Variants in TBC1D22A observed in about 807,000 individuals in gnomAD.
TBC1D22A encodes the protein putative GTPase activator.
Under a neutral mutation model 60.2 loss-of-function variants are expected in TBC1D22A, and 38 were observed. That is an observed-to-expected ratio of 0.63 (90% CI 0.49 to 0.83). The LOEUF (loss-of-function observed/expected upper bound fraction) is 0.83, where lower values mean the gene tolerates loss of function less well. TBC1D22A is among the 40% of genes least tolerant of loss of function. The pLI is 0.00. For synonymous variants in TBC1D22A, 302 were observed against 281.7 expected (o/e 1.07, Z -0.72); for missense variants, 628 against 701.0 (o/e 0.90, Z 1.18).
chr22:47,056,484 C>G (rs1235989228), intron 11 of TBC1D22A, among the ~76,000 whole-genome samples: 1 of 152,098 alleles, frequency 6.6e-6, no homozygotes, highest in African/African-American at 2.4e-5. Flanking sequence ...GATGCAGAAG[C>G]CAGAGAGAAG....
At chr22:46,974,677 C>T (rs773677535) in intron 9 of TBC1D22A, among the ~76,000 whole-genome samples, 2 of 152,232 alleles carry the variant, frequency 1.3e-5, no homozygotes, top group Non-Finnish European at 2.9e-5. Context: ...AGACTGTAGC[C>T]ACCACCACCA....
In TBC1D22A at chr22:47,009,948, G is replaced by T. The variant is rs912523879; in HGVS notation, c.1201+12239G>T. Among the ~76,000 whole-genome samples the T allele has an allele frequency of 6.6e-6, 1 of 152,206 alleles. No individual in the cohort carries two copies. The highest frequency in any genetic ancestry group is 2.4e-5 in the African/African-American group (1 of 41,440). On this transcript the variant is annotated intron_variant, in intron 10 of 12. Transcript: ENST00000337137. The surrounding 1 kb of genome is among the most constrained non-coding windows in gnomAD (Gnocchi z 5.8). ...GACACTGGCTGAGTCTGAGTCAGGG[G>T]CACCGAGGTGACAGTGGCCATTGTT...
At chr22:46,942,508 GA>G (rs1397834267) in intron 8 of TBC1D22A, among the ~76,000 whole-genome samples, 17 of 152,286 alleles carry the variant, frequency 1.1e-4, no homozygotes, top group African/African-American at 4.1e-4. Flanking sequence ...TCAGTAATAA[GA>G]ATTGTATAGT....
intron 10 of TBC1D22A, among the ~76,000 whole-genome samples, chr22:47,010,488 C>G (rs1260581828): frequency 6.6e-6 from 1 of 152,198 alleles, no homozygotes; most frequent in Non-Finnish European, 1.5e-5. Flanking sequence ...TGTGGACTTT[C>G]TGGGAGGCGT....
rs1178449727 is a variant in TBC1D22A at position 47,171,920 on chromosome 22, G to A, written c.1426-1578G>A. On this transcript the variant is annotated intron_variant, in intron 12 of 12. Transcript: ENST00000337137. Reference sequence around the variant, plus strand: ...GACTCAGTGCCCCCATAGCCCATCTGAGACACGGCCCAGCTGCAGGCCAGA... The same window carrying A: ...GACTCAGTGCCCCCATAGCCCATCTAAGACACGGCCCAGCTGCAGGCCAGA... Among the ~76,000 whole-genome samples the A allele has an allele frequency of 5.7e-5, 7 of 122,174 alleles. No homozygotes were observed. The South Asian group carries it at 1.5e-3, about 27-fold the overall frequency. The allele number at this position is 122,174 out of a possible 152,430, so 80.2% of individuals were successfully genotyped here.
At chr22:46,839,133 A>G (rs1402029431) in intron 4 of TBC1D22A, among the ~76,000 whole-genome samples, 1 of 152,222 alleles carries the variant, frequency 6.6e-6, no homozygotes, top group Non-Finnish European at 1.5e-5. Context: ...GAACTAATAT[A>G]CAAATTCAGT....
At chr22:46,784,614 G>A (rs968810396) in intron 1 of TBC1D22A, among the ~76,000 whole-genome samples, 9 of 152,328 alleles carry the variant, frequency 5.9e-5, no homozygotes, top group Admixed American at 2.0e-4. Context: ...CGGCTGTCCC[G>A]GGAGGAAAAG....
intron 5 of TBC1D22A, among the ~76,000 whole-genome samples, chr22:46,887,696 C>T (rs1032064356): frequency 3.3e-5 from 5 of 152,090 alleles, no homozygotes; most frequent in Admixed American, 6.5e-5. Context: ...GGGCGGTGAC[C>T]GAGAGGCCTG....
At chr22:46,971,973 G>A (rs1371149013) in intron 8 of TBC1D22A, among the ~76,000 whole-genome samples, 1 of 152,216 alleles carries the variant, frequency 6.6e-6, no homozygotes, top group African/African-American at 2.4e-5. Context: ...GAGAGTGCTG[G>A]TGTCATGGGC....
chr22:47,119,335 C>G (rs1333988531), intron 12 of TBC1D22A, among the ~76,000 whole-genome samples: 1 of 152,162 alleles, frequency 6.6e-6, no homozygotes, highest in African/African-American at 2.4e-5. Flanking sequence ...GGCACTCCGT[C>G]TCACAGAGCT....
At chr22:47,013,197 AT>A (rs2148307723) in intron 10 of TBC1D22A, among the ~76,000 whole-genome samples, 2 of 152,074 alleles carry the variant, frequency 1.3e-5, no homozygotes, top group African/African-American at 4.8e-5. Flanking sequence ...TGCGGTTAGC[AT>A]TTTTCTTTTT....
At chr22:46,794,523 G>A (rs923432610) in intron 3 of TBC1D22A, among the ~76,000 whole-genome samples, 2 of 152,214 alleles carry the variant, frequency 1.3e-5, no homozygotes, top group Non-Finnish European at 2.9e-5. Flanking sequence ...ATGGTTGTGC[G>A]ATGAACCCAC....
At chr22:46,893,383 G>A (rs6009024) in intron 6 of TBC1D22A, among the ~76,000 whole-genome samples, 2,097 of 152,270 alleles carry the variant, frequency 0.014, 62 homozygotes, top group African/African-American at 0.048. Context: ...AGCCCCACCT[G>A]CCCAGCCTTG....
intron 4 of TBC1D22A, among the ~76,000 whole-genome samples, chr22:46,814,810 A>G: frequency 7.4e-6 from 1 of 134,896 alleles, no homozygotes; most frequent in East Asian, 2.1e-4. Flanking sequence ...CACACTGGCT[A>G]TTTTTTTTTT....
chr22:46,953,821 C>G (rs2073044158), intron 8 of TBC1D22A, among the ~76,000 whole-genome samples: 1 of 152,212 alleles, frequency 6.6e-6, no homozygotes, highest in African/African-American at 2.4e-5. Flanking sequence ...TTACCTCTAT[C>G]AGGTGCTTTG....
At chr22:47,064,614 C>T (rs1287289433) in intron 11 of TBC1D22A, among the ~76,000 whole-genome samples, 1 of 152,226 alleles carries the variant, frequency 6.6e-6, no homozygotes, top group Non-Finnish European at 1.5e-5. Flanking sequence ...CAGCACTGCC[C>T]CCTCGTCCTC....
intron 4 of TBC1D22A, among the ~76,000 whole-genome samples, chr22:46,847,179 G>A (rs1274837571): frequency 1.3e-5 from 2 of 152,244 alleles, no homozygotes; most frequent in Non-Finnish European, 2.9e-5. Flanking sequence ...TAACCTGGAG[G>A]CATTTGGTAT....
chr22:47,005,182 C>T (rs1171753793), intron 10 of TBC1D22A, among the ~76,000 whole-genome samples: 3 of 151,738 alleles, frequency 2.0e-5, no homozygotes, highest in Admixed American at 6.6e-5. Context: ...TACACACGTG[C>T]CTATACACAC....
chr22:47,128,589 G>A (rs1403468399), intron 12 of TBC1D22A, among the ~76,000 whole-genome samples: 2 of 151,674 alleles, frequency 1.3e-5, no homozygotes, highest in East Asian at 2.0e-4. Flanking sequence ...AGTCCTGCAC[G>A]AGGCTGCAGA....
Sources: allele counts gnomAD v4.1 joint callset (sites outside exome capture counted in the v4.1 genomes callset), GRCh38; gene constraint gnomAD v4.1.1; non-coding constraint Gnocchi (gnomAD v3.1); transcripts MANE v1.5; gene names NCBI Gene and HGNC (gene_info 2026-07-23, HGNC 2026-07-21).